The following PTCHD4 variants were observed in gnomAD, a reference collection of about 807,000 sequenced individuals.
PTCHD4 encodes the protein patched domain containing 4, also known as patched domain-containing protein 4.
A neutral mutation model predicts 58.1 loss-of-function variants in PTCHD4; 33 were observed. The observed-to-expected ratio is 0.57, with a 90% CI of 0.43 to 0.76. The LOEUF (loss-of-function observed/expected upper bound fraction) is 0.76. Ranked by LOEUF, PTCHD4 falls within the 30% of genes least tolerant of loss-of-function variation. The pLI is 0.00. For synonymous variants in PTCHD4, 478 were observed against 409.6 expected, an observed-to-expected ratio of 1.17 and a Z score of -2.02; for missense variants, 1,058 against 1,027.1, an observed-to-expected ratio of 1.03 and a Z score of -0.41.
chr6:48,003,546 C>G (rs1361382645), intron 4 of PTCHD4, among the ~76,000 whole-genome samples: 1 of 152,184 alleles, frequency 6.6e-6, no homozygotes, highest in African/African-American at 2.4e-5. Flanking sequence ...TTTCACATCA[C>G]CATTATATCC....
In PTCHD4 at chr6:47,861,681, T is replaced by C. The variant is rs139158759; in HGVS notation, c.*16622A>G. Among the ~76,000 whole-genome samples the C allele has an allele frequency of 1.6e-4, 24 of 152,102 alleles. No individual in the cohort carries two copies. The East Asian group carries it at 3.7e-3, about 23-fold the overall frequency. ...ATTAATAGCAGGTTAATTAGGTTAA[T>C]AGCAGGCAAATAAATAATAACTCTA... On this transcript the variant is annotated 3_prime_UTR_variant, in exon 5 of 5. Coordinates refer to ENST00000339488, the MANE Select transcript of PTCHD4 (RefSeq NM_001384253.1).
chr6:47,957,985 A>G (rs1581933638), intron 4 of PTCHD4, among the ~76,000 whole-genome samples: 3 of 152,138 alleles, frequency 2.0e-5, no homozygotes, highest in Non-Finnish European at 4.4e-5. Context: ...TCAATTCCAC[A>G]TTATTTTCCA....
intron 4 of PTCHD4, among the ~76,000 whole-genome samples, chr6:47,975,705 A>G (rs898367109): frequency 6.6e-6 from 1 of 152,170 alleles, no homozygotes; most frequent in African/African-American, 2.4e-5. Flanking sequence ...TAGTAAATCT[A>G]GTAATATTTC....
At chr6:48,105,173 C>T (rs1009417716) in intron 1 of PTCHD4, among the ~76,000 whole-genome samples, 10 of 152,162 alleles carry the variant, frequency 6.6e-5, no homozygotes, top group African/African-American at 2.4e-4. Flanking sequence ...CACACCACAC[C>T]TATTCCAAAA....
intron 4 of PTCHD4, among the ~76,000 whole-genome samples, chr6:47,888,658 T>C (rs1581831380): frequency 6.6e-6 from 1 of 152,210 alleles, no homozygotes; most frequent in Non-Finnish European, 1.5e-5. Context: ...TTTTTGTTTT[T>C]GTTTTATTAT....
intron 4 of PTCHD4, among the ~76,000 whole-genome samples, chr6:47,980,113 G>A (rs954554833): frequency 6.6e-6 from 1 of 151,980 alleles, no homozygotes; most frequent in Non-Finnish European, 1.5e-5. Flanking sequence ...AGAGTAAAAA[G>A]TATTTCCCTG....
At chr6:48,009,181 A>G in intron 3 of PTCHD4, 67 bp from the exon 4 acceptor site, 1 of 1,475,036 alleles carries the variant, frequency 6.8e-7, no homozygotes, top group South Asian at 1.4e-5. Flanking sequence ...TTCTTACTCT[A>G]AGTGAAGGAG....
intron 4 of PTCHD4, among the ~76,000 whole-genome samples, chr6:47,962,729 A>T (rs1467400602): frequency 6.6e-6 from 1 of 151,738 alleles, no homozygotes; most frequent in Non-Finnish European, 1.5e-5. Flanking sequence ...TTTATAAATT[A>T]CCCAGTCTCG....
chr6:48,082,381 A>C (rs1017511684), intron 1 of PTCHD4, among the ~76,000 whole-genome samples: 3 of 152,198 alleles, frequency 2.0e-5, no homozygotes, highest in African/African-American at 4.8e-5. Flanking sequence ...CTGTACTCTC[A>C]ATTCCTCAGT....
At chr6:48,101,272 C>T (rs755705902) in intron 1 of PTCHD4, among the ~76,000 whole-genome samples, 5 of 151,976 alleles carry the variant, frequency 3.3e-5, no homozygotes, top group African/African-American at 7.3e-5. Flanking sequence ...ATGTGAAGAT[C>T]AATTATTTGG....
intron 4 of PTCHD4, among the ~76,000 whole-genome samples, chr6:47,968,363 G>A (rs184843462): frequency 1.5e-3 from 222 of 152,198 alleles, no homozygotes; most frequent in African/African-American, 4.9e-3. Flanking sequence ...CACCACAACA[G>A]ATATAAAATA....
At chr6:47,980,238 CA>C (rs749988705) in intron 4 of PTCHD4, among the ~76,000 whole-genome samples, 28 of 151,938 alleles carry the variant, frequency 1.8e-4, no homozygotes, top group Non-Finnish European at 3.7e-4. Context: ...TCTTATATAA[CA>C]AGGGTAAATT....
At chr6:47,894,760 T>C (rs1764483477) in intron 4 of PTCHD4, among the ~76,000 whole-genome samples, 1 of 152,244 alleles carries the variant, frequency 6.6e-6, no homozygotes, top group Non-Finnish European at 1.5e-5. Context: ...TTGTGATAAA[T>C]TTTATTCTTT....
At chr6:47,914,375 C>T (rs1230755640) in intron 4 of PTCHD4, among the ~76,000 whole-genome samples, 1 of 152,026 alleles carries the variant, frequency 6.6e-6, no homozygotes, top group Non-Finnish European at 1.5e-5. Flanking sequence ...GCCAATTGTT[C>T]TCAATGTGGA....
At chr6:47,900,842 A>T (rs1223231752) in intron 4 of PTCHD4, 1 of 151,996 alleles carries the variant, frequency 6.6e-6, no homozygotes, top group Non-Finnish European at 1.5e-5. Flanking sequence ...ATGTTAAACC[A>T]CTCTTGCATT....
chr6:47,987,058 T>C (rs1304314341), intron 4 of PTCHD4, among the ~76,000 whole-genome samples: 2 of 151,934 alleles, frequency 1.3e-5, no homozygotes, highest in Non-Finnish European at 2.9e-5. Flanking sequence ...TAAAAGCAAG[T>C]TTGAAAAAGT....
At position 48,008,629 on chromosome 6, in the gene PTCHD4, G is replaced by T. The variant is rs527827815; in HGVS notation, c.898+5C>A. On this transcript the variant is annotated splice_donor_5th_base_variant and intron_variant, in intron 4 of 4. Transcript: ENST00000339488. ...AATCCGATTACCACAAGGATGGATA[G>T]TTACCCATGGCGAAGAACGGGATTC... 11 of 1,611,944 alleles carry T rather than the reference G, an allele frequency of 6.8e-6. No homozygotes were observed. The highest frequency in any genetic ancestry group is 6.7e-5 in the African/African-American group (5 of 74,926).
intron 3 of PTCHD4, among the ~76,000 whole-genome samples, chr6:48,041,646 T>G (rs552145434): frequency 1.3e-5 from 2 of 152,170 alleles, no homozygotes; most frequent in South Asian, 4.1e-4. Flanking sequence ...TTGTCCGGTA[T>G]GTCAACTCTT....
At chr6:48,108,597 T>C (rs982040078) in intron 1 of PTCHD4, among the ~76,000 whole-genome samples, 3 of 151,646 alleles carry the variant, frequency 2.0e-5, no homozygotes, top group Admixed American at 2.0e-4. Context: ...AAATTTAAAG[T>C]ATAATAATAA....
Sources: gnomAD v4.1 joint callset for allele counts (sites outside exome capture counted in the v4.1 genomes callset) on GRCh38, gnomAD v4.1.1 for gene constraint, MANE v1.5 for transcripts, NCBI Gene and HGNC (gene_info 2026-07-23, HGNC 2026-07-21) for gene names.